MBNL1: variants seen among roughly 807,000 people sequenced by gnomAD.
MBNL1 encodes muscleblind-like protein 1.
A neutral mutation model predicts 42.2 loss-of-function variants in MBNL1; 8 were observed. That is an observed-to-expected ratio of 0.19 (90% CI 0.11 to 0.34). The LOEUF (loss-of-function observed/expected upper bound fraction) is 0.34, where lower values mean the gene tolerates loss of function less well. Ranked by LOEUF, MBNL1 falls within the 10% of genes least tolerant of loss-of-function variation. The pLI is 1.00. For synonymous variants in MBNL1, 169 were observed against 173.9 expected, an observed-to-expected ratio of 0.97 and a Z score of 0.22; for missense variants, 309 against 495.3, an observed-to-expected ratio of 0.62 and a Z score of 3.57.
intron 2 of MBNL1, among the ~76,000 whole-genome samples, chr3:152,385,221 T>C (rs968020913): frequency 2.6e-5 from 4 of 152,188 alleles, no homozygotes; most frequent in African/African-American, 9.6e-5. Flanking sequence ...ATATTTCTTC[T>C]TGTATTGAGG....
chr3:152,388,799 G>A (rs897504183), intron 2 of MBNL1, among the ~76,000 whole-genome samples: 1 of 152,194 alleles, frequency 6.6e-6, no homozygotes, highest in African/African-American at 2.4e-5. Flanking sequence ...TAGCCTGCAT[G>A]TGCATTATTT....
intron 2 of MBNL1, among the ~76,000 whole-genome samples, chr3:152,407,750 C>A (rs1197504513): frequency 6.6e-6 from 1 of 152,082 alleles, no homozygotes; most frequent in African/African-American, 2.4e-5. Flanking sequence ...CAATGATAGA[C>A]TGGATAGAGA....
At chr3:152,440,524 A>T (rs1249174224) in intron 4 of MBNL1, among the ~76,000 whole-genome samples, 2 of 152,174 alleles carry the variant, frequency 1.3e-5, no homozygotes, top group African/African-American at 4.8e-5. Flanking sequence ...CTCAGGAAAG[A>T]TATGCCCCCA....
chr3:152,396,678 TA>T (rs760115841), intron 2 of MBNL1, among the ~76,000 whole-genome samples: 2 of 152,206 alleles, frequency 1.3e-5, no homozygotes, highest in Non-Finnish European at 2.9e-5. Context: ...TATTAAGCTT[TA>T]TTGCAGCCCT....
intron 2 of MBNL1, among the ~76,000 whole-genome samples, chr3:152,337,625 CAAA>C (rs1255178970): frequency 6.6e-5 from 5 of 75,782 alleles, no homozygotes; most frequent in Admixed American, 1.5e-4. Flanking sequence ...GATTCCATCT[CAAA>C]AAAAAAAAAA....
chr3:152,361,550 G>A (rs1057308710), intron 2 of MBNL1, among the ~76,000 whole-genome samples: 1 of 151,646 alleles, frequency 6.6e-6, no homozygotes, highest in Non-Finnish European at 1.5e-5. Context: ...AATGCTAAGG[G>A]GCAATGATGA....
intron 2 of MBNL1, among the ~76,000 whole-genome samples, chr3:152,308,819 GTT>G (rs991781874): frequency 7.0e-6 from 1 of 141,886 alleles, no homozygotes; most frequent in African/African-American, 2.6e-5. Flanking sequence ...GTTTTGTTTT[GTT>G]TTTTTTTTTG....
Position 152,456,258 on chromosome 3 carries a change from C to T in MBNL1, c.998-9C>T. 3 of 1,602,368 alleles carry T rather than the reference C, an allele frequency of 1.9e-6. No individual in the cohort carries two copies. The highest frequency in any genetic ancestry group is 2.2e-5 in the South Asian group (2 of 90,860). Reference sequence around the variant, plus strand: ...TGTATGTTCGCTTATATGATTTTCCCTCCGAAAGTTCCCATGGTGCACGGT... The same window carrying T: ...TGTATGTTCGCTTATATGATTTTCCTTCCGAAAGTTCCCATGGTGCACGGT... On this transcript the variant is annotated splice_polypyrimidine_tract_variant and intron_variant, in intron 7 of 9. Transcript: ENST00000324210.
chr3:152,352,042 A>G (rs1489714201), intron 2 of MBNL1, among the ~76,000 whole-genome samples: 4 of 152,206 alleles, frequency 2.6e-5, no homozygotes, highest in Admixed American at 6.5e-5. Flanking sequence ...ACTGTCTACC[A>G]TTTTTATGGC....
intron 2 of MBNL1, among the ~76,000 whole-genome samples, chr3:152,392,516 A>T (rs1401259951): frequency 6.6e-6 from 1 of 152,238 alleles, no homozygotes. Flanking sequence ...ATAAACTGCT[A>T]TCCCAGAATT....
chr3:152,375,398 A>C (rs1273116891), intron 2 of MBNL1, among the ~76,000 whole-genome samples: 2 of 152,234 alleles, frequency 1.3e-5, no homozygotes, highest in African/African-American at 4.8e-5. Flanking sequence ...AATTATGCAT[A>C]CAAATATTTA....
intron 2 of MBNL1, among the ~76,000 whole-genome samples, chr3:152,360,884 G>C (rs954677718): frequency 2.0e-5 from 3 of 151,886 alleles, no homozygotes. Context: ...TAGATTTTGC[G>C]ATTCTTAGAT....
At chr3:152,290,310 TA>T (rs2055155366) in intron 1 of MBNL1, among the ~76,000 whole-genome samples, 1 of 152,070 alleles carries the variant, frequency 6.6e-6, no homozygotes, top group African/African-American at 2.4e-5. Context: ...GGTTTTTTTT[TA>T]AATTATATCT....
At chr3:152,413,107 C>G (rs1255549091) in intron 2 of MBNL1, among the ~76,000 whole-genome samples, 1 of 152,102 alleles carries the variant, frequency 6.6e-6, no homozygotes, top group Non-Finnish European at 1.5e-5. Context: ...TCTTGCGAGT[C>G]TAAGGTTGTT....
chr3:152,447,532 T>G, intron 5 of MBNL1, 88 bp from the exon 6 acceptor site: 1 of 1,049,266 alleles, frequency 9.5e-7, no homozygotes, highest in Non-Finnish European at 1.4e-6. Flanking sequence ...TGCTCATGCT[T>G]CCTAACAATT....
Position 152,446,445 on chromosome 3 carries a change from G to T in MBNL1, c.807+906G>T, listed in dbSNP as rs57255040. Among the ~76,000 whole-genome samples, 5,049 of 150,600 alleles carry T rather than the reference G, an allele frequency of 0.034. 282 individuals carry two copies. The highest frequency in any genetic ancestry group is 0.12 in the African/African-American group (4,835 of 41,064). ...CTTCCTTTCACTCTTTTTTTTTTCT[G>T]TTAGAGTATCTTGTTTGTAATTAAC... is the stretch of plus-strand genomic sequence containing the variant. On this transcript the variant is annotated intron_variant, in intron 5 of 9. Transcript: ENST00000324210.
In MBNL1 at chr3:152,454,702, A is replaced by T. The variant is rs375118708; in HGVS notation, c.962-840A>T. Among the ~76,000 whole-genome samples, 86 of 152,286 alleles carry T rather than the reference A, an allele frequency of 5.6e-4. 1 individual carries two copies. In the South Asian group the frequency reaches 0.017, roughly 31 times the overall value. ...TCACTCTCTCCCACTCAAGGTTTTT[A>T]TTGAACTCTAATTAGCAGTTTCTTG... On this transcript the variant is annotated intron_variant, in intron 6 of 9. Transcript: ENST00000324210.
At chr3:152,426,953 T>C (rs988744303) in intron 3 of MBNL1, among the ~76,000 whole-genome samples, 9 of 152,242 alleles carry the variant, frequency 5.9e-5, no homozygotes, top group African/African-American at 1.9e-4. Flanking sequence ...AAGTCATCAT[T>C]TGTCATTCAT....
At chr3:152,457,765 G>C (rs1736635608) in intron 8 of MBNL1, 1 of 198,664 alleles carries the variant, frequency 5.0e-6, no homozygotes, top group Non-Finnish European at 1.0e-5. Context: ...GAACTCTCAT[G>C]CGTCTACCAT....
Sources: allele counts gnomAD v4.1 joint callset (sites outside exome capture counted in the v4.1 genomes callset), GRCh38; gene constraint gnomAD v4.1.1; transcripts MANE v1.5; gene names NCBI Gene and HGNC (gene_info 2026-07-23, HGNC 2026-07-21).